Variants in SEMA6D observed in about 807,000 individuals in gnomAD.
The protein encoded by SEMA6D is semaphorin 6D.
A neutral mutation model predicts 106.6 loss-of-function variants in SEMA6D; 35 were observed. The ratio of observed to expected loss-of-function variants is 0.33; its 90% confidence interval spans 0.25 to 0.44. The LOEUF is 0.44. Ranked by LOEUF, SEMA6D falls within the 20% of genes least tolerant of loss-of-function variation. The probability of loss-of-function intolerance (pLI) is 1.00; values close to 1 mark genes in which losing one functional copy is unlikely to be tolerated. For synonymous variants in SEMA6D, 499 were observed against 487.7 expected, an observed-to-expected ratio of 1.02 and a Z score of -0.31; for missense variants, 1,185 against 1,345.9, an observed-to-expected ratio of 0.88 and a Z score of 1.87.
intron 1 of SEMA6D, among the ~76,000 whole-genome samples, chr15:47,352,469 G>T (rs972003741): frequency 6.6e-6 from 1 of 152,164 alleles, no homozygotes; most frequent in East Asian, 1.9e-4. Context: ...CTCCTTCATG[G>T]CCTGAGACTG....
intron 1 of SEMA6D, among the ~76,000 whole-genome samples, chr15:47,390,047 G>A (rs2039974246): frequency 6.6e-6 from 1 of 152,064 alleles, no homozygotes; most frequent in African/African-American, 2.4e-5. Flanking sequence ...TATTCCCATA[G>A]TAATACTGAC....
At chr15:47,669,992 A>G (rs1296975263) in intron 4 of SEMA6D, among the ~76,000 whole-genome samples, 2 of 152,184 alleles carry the variant, frequency 1.3e-5, no homozygotes, top group African/African-American at 2.4e-5. Flanking sequence ...AGAGCACATC[A>G]AGTTCTTTCT....
chr15:47,216,623 T>G (rs1440532035), intron 1 of SEMA6D, among the ~76,000 whole-genome samples: 6 of 151,728 alleles, frequency 4.0e-5, no homozygotes, highest in Non-Finnish European at 8.8e-5. Context: ...AAACAAAGAG[T>G]CAGTTCCTTA....
intron 2 of SEMA6D, among the ~76,000 whole-genome samples, chr15:47,460,645 T>C (rs1183293177): frequency 6.6e-6 from 1 of 152,100 alleles, no homozygotes; most frequent in East Asian, 1.9e-4. Flanking sequence ...TCTTCCAACC[T>C]TTTGTGCAGA....
chr15:47,444,461 G>A (rs1473668704), intron 2 of SEMA6D, among the ~76,000 whole-genome samples: 1 of 145,494 alleles, frequency 6.9e-6, no homozygotes, highest in African/African-American at 2.5e-5. Flanking sequence ...GCCCGGATAA[G>A]ATTTCAAGGA....
At chr15:47,258,351 C>T (rs558685928) in intron 1 of SEMA6D, among the ~76,000 whole-genome samples, 1 of 152,140 alleles carries the variant, frequency 6.6e-6, no homozygotes, top group South Asian at 2.1e-4. Flanking sequence ...GTGGTTAAAA[C>T]ATTATTTCTG....
rs181786687 is a variant in SEMA6D at position 47,684,072 on chromosome 15, G to A, written c.-54-75673G>A. Reference sequence around the variant, plus strand: ...AAGGTCTTCACGTCTAAGCAGATTTGGCAGAAAGAACAGCATTATAAGCCC... The same window carrying A: ...AAGGTCTTCACGTCTAAGCAGATTTAGCAGAAAGAACAGCATTATAAGCCC... On this transcript the variant is annotated intron_variant, in intron 4 of 19. Transcript: ENST00000558014. Among the ~76,000 whole-genome samples, 262 of 152,184 alleles carry A rather than the reference G, an allele frequency of 1.7e-3. 4 individuals carry two copies. Among genetic ancestry groups the A allele is most frequent in the African/African-American group, 5.5e-3 (229 of 41,526 alleles).
rs138640863 is a variant in SEMA6D at position 47,482,171 on chromosome 15, C to T, written c.-87+11626C>T. ...AATTTAGATTAAAGATATATTTTGA[C>T]ATAATGACAACAGGGAAACATTATA... On this transcript the variant is annotated intron_variant, in intron 3 of 19. Transcript: ENST00000558014. Among the ~76,000 whole-genome samples, 952 of 152,178 alleles carry T rather than the reference C, an allele frequency of 6.3e-3. 16 individuals are homozygous for T. Among genetic ancestry groups the T allele is most frequent in the African/African-American group, 0.022 (906 of 41,512 alleles).
chr15:47,403,213 GT>G (rs988839681), intron 1 of SEMA6D, among the ~76,000 whole-genome samples: 8 of 152,066 alleles, frequency 5.3e-5, no homozygotes, highest in Non-Finnish European at 1.2e-4. Context: ...GCCTCCCTAG[GT>G]TTTGAAATAA....
chr15:47,772,013 C>A lies in SEMA6D; in HGVS notation c.*228C>A. 1.9e-6 allele frequency: 1 copy of A among 534,708 alleles called. No individual in the cohort carries two copies. The highest frequency in any genetic ancestry group is 3.3e-6 in the Non-Finnish European group (1 of 302,182). 33.1% of individuals were successfully genotyped at this position (534,708 alleles called of 1,614,324 possible). On this transcript the variant is annotated 3_prime_UTR_variant, in exon 19 of 19. Transcript: ENST00000536845. The stretch of plus-strand genomic sequence containing the variant: ...AAGGAAGGTGCTGGTCATTCCATTT[C>A]TTTTGTTTGAAGCTAAAGAGATGTG...
chr15:47,527,245 A>G (rs992214885), intron 3 of SEMA6D, among the ~76,000 whole-genome samples: 1 of 152,226 alleles, frequency 6.6e-6, no homozygotes, highest in Non-Finnish European at 1.5e-5. Flanking sequence ...AGTGGCAGTG[A>G]CACACTAAAT....
chr15:47,458,126 A>G (rs371611909), intron 2 of SEMA6D, among the ~76,000 whole-genome samples: 57 of 152,156 alleles, frequency 3.7e-4, no homozygotes, highest in African/African-American at 1.3e-3. Flanking sequence ...TATACAAAGT[A>G]ATAAATAACA....
chr15:47,200,157 A>C (rs1426111735), intron 1 of SEMA6D, among the ~76,000 whole-genome samples: 1 of 152,202 alleles, frequency 6.6e-6, no homozygotes, highest in Non-Finnish European at 1.5e-5. Context: ...TGTGTACTTA[A>C]GTTGCCCTGA....
intron 3 of SEMA6D, among the ~76,000 whole-genome samples, chr15:47,490,334 A>G (rs1478373415): frequency 6.6e-6 from 1 of 152,172 alleles, no homozygotes; most frequent in Non-Finnish European, 1.5e-5. Context: ...AAAAACTTTT[A>G]TTCCCTAAAA....
chr15:47,766,752 A>G lies in SEMA6D; in HGVS notation c.1708+75A>G. 2.9e-6 allele frequency: 3 copies of G among 1,039,822 alleles called. No homozygotes were observed. The East Asian group carries it at 7.5e-5, about 26-fold the overall frequency. 64.4% of individuals were successfully genotyped at this position (1,039,822 alleles called of 1,614,324 possible). On this transcript the variant is annotated intron_variant, in intron 16 of 18. Coordinates refer to ENST00000536845, the MANE Select transcript of SEMA6D (RefSeq NM_001358351.3). ...TGCACGTCGACATTATTTTACAATC[A>G]GTCTTTTTAATGACTCAGGACACAT...
intron 3 of SEMA6D, among the ~76,000 whole-genome samples, chr15:47,484,274 T>C (rs2043232375): frequency 6.6e-6 from 1 of 152,166 alleles, no homozygotes; most frequent in African/African-American, 2.4e-5. Flanking sequence ...TTCTCCATCG[T>C]GCAGTACTTT....
chr15:47,586,342 C>T (rs139690171), intron 3 of SEMA6D, among the ~76,000 whole-genome samples: 1 of 152,306 alleles, frequency 6.6e-6, no homozygotes, highest in Non-Finnish European at 1.5e-5. Context: ...TTAGAAGATA[C>T]ATCAAGGATG....
chr15:47,694,384 A>G (rs993941337), intron 4 of SEMA6D, among the ~76,000 whole-genome samples: 1 of 152,156 alleles, frequency 6.6e-6, no homozygotes, highest in Non-Finnish European at 1.5e-5. Context: ...AGTCAGGTAC[A>G]TGACACCTCA....
In SEMA6D at chr15:47,299,952, G is replaced by A. The variant is rs556871950; in HGVS notation, c.-238-112441G>A. On this transcript the variant is annotated intron_variant, in intron 1 of 19. Coordinates refer to the SEMA6D transcript ENST00000558014. ...GTTATCTTAAGAAACCCTAGCAATTGTACAGAGGAGCCAGTCTCCTCAGCT... is the reference window on the plus strand; with the variant it reads ...GTTATCTTAAGAAACCCTAGCAATTATACAGAGGAGCCAGTCTCCTCAGCT... Among the ~76,000 whole-genome samples the A allele has an allele frequency of 2.0e-5, 3 of 152,204 alleles. No homozygotes were observed. In the East Asian group the frequency reaches 5.8e-4, roughly 29 times the overall value.
Sources: gnomAD v4.1 joint callset for allele counts (sites outside exome capture counted in the v4.1 genomes callset) on GRCh38, gnomAD v4.1.1 for gene constraint, MANE v1.5 for transcripts, NCBI Gene and HGNC (gene_info 2026-07-23, HGNC 2026-07-21) for gene names.